Variants in ROBO1 observed in about 807,000 individuals in gnomAD.
The protein encoded by ROBO1 is roundabout guidance receptor 1, also known as roundabout homolog 1.
ROBO1 carries 149 observed loss-of-function variants against 195.9 expected under a neutral mutation model. That is an observed-to-expected ratio of 0.76 (90% confidence interval 0.67 to 0.87). The LOEUF (loss-of-function observed/expected upper bound fraction) is 0.87, where lower values mean the gene tolerates loss of function less well. Among genes scored for constraint, ROBO1 ranks in the 40% least tolerant of loss-of-function variants. The probability of loss-of-function intolerance (pLI) is 0.00; values close to 1 mark genes in which losing one functional copy is unlikely to be tolerated. For missense variants in ROBO1, 1,933 were observed against 2,068.3 expected, an observed-to-expected ratio of 0.93 and a Z score of 1.27; for synonymous variants, 816 against 733.2, an observed-to-expected ratio of 1.11 and a Z score of -1.82.
At chr3:79,548,712 T>C (rs1942365413) in intron 2 of ROBO1, among the ~76,000 whole-genome samples, 1 of 152,194 alleles carries the variant, frequency 6.6e-6, no homozygotes, top group South Asian at 2.1e-4. Context: ...TTAGATTGTG[T>C]GAAAAGAAGT....
intron 2 of ROBO1, among the ~76,000 whole-genome samples, chr3:79,529,485 AAAC>A (rs960139417): frequency 2.6e-5 from 4 of 152,232 alleles, no homozygotes; most frequent in African/African-American, 7.2e-5. Context: ...TCAAACAAAC[AAAC>A]AACAACAATA....
intron 4 of ROBO1, among the ~76,000 whole-genome samples, chr3:78,932,766 C>A (rs1357828909): frequency 1.9e-4 from 29 of 152,098 alleles, no homozygotes; most frequent in Non-Finnish European, 1.5e-5. Flanking sequence ...CGGATACACA[C>A]CCAAAGTTCA....
intron 3 of ROBO1, among the ~76,000 whole-genome samples, chr3:78,991,423 C>A (rs981862558): frequency 2.0e-5 from 3 of 152,186 alleles, no homozygotes; most frequent in Non-Finnish European, 2.9e-5. Context: ...ACTGAAGACA[C>A]AGATTAATTG....
chr3:78,944,420 A>G (rs1051067023), intron 3 of ROBO1, among the ~76,000 whole-genome samples: 3 of 152,216 alleles, frequency 2.0e-5, no homozygotes, highest in African/African-American at 7.2e-5. Context: ...TCTATAAGCC[A>G]GAAAGTGAGC....
At chr3:79,597,007 A>C (rs7644918) in intron 1 of ROBO1, among the ~76,000 whole-genome samples, 42,450 of 151,872 alleles carry the variant, frequency 0.28, 7,970 homozygotes, top group African/African-American at 0.54. Flanking sequence ...AAAAGAAAGG[A>C]AACAGTTTGG....
At chr3:79,028,469 T>C (rs191987232) in intron 3 of ROBO1, among the ~76,000 whole-genome samples, 37 of 152,054 alleles carry the variant, frequency 2.4e-4, no homozygotes, top group African/African-American at 7.5e-4. Flanking sequence ...TACATGTAAC[T>C]AGTCTCCAAT....
chr3:79,060,052 G>A (rs915733754), intron 3 of ROBO1, among the ~76,000 whole-genome samples: 1 of 151,930 alleles, frequency 6.6e-6, no homozygotes, highest in African/African-American at 2.4e-5. Context: ...CATTCCCAGG[G>A]TGAGGTCTCT....
At chr3:78,925,038 T>C (rs149559254) in intron 4 of ROBO1, among the ~76,000 whole-genome samples, 3,092 of 152,192 alleles carry the variant, frequency 0.02, 72 homozygotes, top group Middle Eastern at 0.13. Flanking sequence ...TATGTTGTCA[T>C]GCCTTTTAAT....
chr3:78,667,740 TA>T, intron 14 of ROBO1, 142 bp downstream of exon 14: 1 of 729,834 alleles, frequency 1.4e-6, no homozygotes, highest in Non-Finnish European at 2.2e-6. Flanking sequence ...GTTTGTATAT[TA>T]AAAATTAATT....
intron 2 of ROBO1, among the ~76,000 whole-genome samples, chr3:79,306,869 T>A (rs2033244760): frequency 6.6e-6 from 1 of 152,230 alleles, no homozygotes; most frequent in African/African-American, 2.4e-5. Context: ...AAGGAATATT[T>A]CCACATTTGC....
intron 2 of ROBO1, among the ~76,000 whole-genome samples, chr3:79,408,235 T>A (rs78384202): frequency 6.6e-6 from 1 of 150,550 alleles, no homozygotes. Context: ...ATAAAAAAAA[T>A]AAAAAAAATT....
intron 2 of ROBO1, among the ~76,000 whole-genome samples, chr3:79,303,364 C>A (rs866138333): frequency 1.3e-5 from 2 of 151,978 alleles, no homozygotes; most frequent in Non-Finnish European, 1.5e-5. Flanking sequence ...CGGGGTTTCG[C>A]CACGTTGGCC....
intron 2 of ROBO1, among the ~76,000 whole-genome samples, chr3:79,231,960 A>T (rs1303031528): frequency 6.6e-6 from 1 of 152,130 alleles, no homozygotes; most frequent in East Asian, 1.9e-4. Context: ...AAACTAATGC[A>T]GAAACAGAAA....
chr3:79,712,857 T>C (rs1702328220), intron 1 of ROBO1, among the ~76,000 whole-genome samples: 1 of 152,102 alleles, frequency 6.6e-6, no homozygotes, highest in African/African-American at 2.4e-5. Context: ...CTAAATCTAT[T>C]CCCCCTGAGC....
At chr3:79,426,309 A>G (rs1311434696) in intron 2 of ROBO1, among the ~76,000 whole-genome samples, 1 of 152,112 alleles carries the variant, frequency 6.6e-6, no homozygotes, top group Non-Finnish European at 1.5e-5. Context: ...AGAAACTGAC[A>G]TTACTATTAC....
chr3:79,630,515 C>A (rs556268370), intron 1 of ROBO1, among the ~76,000 whole-genome samples: 1 of 151,850 alleles, frequency 6.6e-6, no homozygotes, highest in East Asian at 1.9e-4. Flanking sequence ...GCCATAATAC[C>A]AATCTATAGC....
chr3:79,223,319 T>C (rs1342017590), intron 2 of ROBO1, among the ~76,000 whole-genome samples: 3 of 152,152 alleles, frequency 2.0e-5, no homozygotes, highest in Non-Finnish European at 4.4e-5. Flanking sequence ...TCCCCTCTTT[T>C]TCTTCTTCTG....
chr3:78,602,066 G>GTA (rs1260685404), intron 29 of ROBO1, among the ~76,000 whole-genome samples: 2 of 104,878 alleles, frequency 1.9e-5, no homozygotes, highest in Admixed American at 1.0e-4. Context: ...GTGTGTGTGT[G>GTA]TATATATATA....
At chr3:79,556,622 G>T (rs558194397) in intron 2 of ROBO1, among the ~76,000 whole-genome samples, 1 of 151,832 alleles carries the variant, frequency 6.6e-6, no homozygotes, top group Admixed American at 6.6e-5. Context: ...TTATTTTATT[G>T]TATATATGTA....
Sources: gnomAD v4.1 joint callset for allele counts (sites outside exome capture counted in the v4.1 genomes callset) on GRCh38, gnomAD v4.1.1 for gene constraint, MANE v1.5 for transcripts, NCBI Gene and HGNC (gene_info 2026-07-23, HGNC 2026-07-21) for gene names.